ACAP3: variants seen among roughly 807,000 people sequenced by gnomAD.
ACAP3 encodes the protein arf-GAP with coiled-coil, ANK repeat and PH domain-containing protein 3.
ACAP3 carries 56 observed loss-of-function variants against 104.1 expected under a neutral mutation model. That is an observed-to-expected ratio of 0.54 (90% CI 0.43 to 0.67). The LOEUF is 0.67. Ranked by LOEUF, ACAP3 falls within the 30% of genes least tolerant of loss-of-function variation. The pLI, the probability that ACAP3 is intolerant of heterozygous loss-of-function variation, is 0.00. For synonymous variants in ACAP3, 628 were observed against 496.2 expected (o/e 1.27, Z -3.53); for missense variants, 1,208 against 1,174.9 (o/e 1.03, Z -0.41).
intron 19 of ACAP3, chr1:1,295,025 C>T: frequency 3.4e-6 from 2 of 588,606 alleles, no homozygotes; most frequent in Non-Finnish European, 6.0e-6. Flanking sequence ...GGGTAGCCCC[C>T]TAAAGCCCAG....
chr1:1,300,587 G>T lies in ACAP3; in HGVS notation c.444C>A (p.His148Gln). ...RNAQAPRHRP[H>Q]EVEEATGALT... ...GGGCCCCGGTGGCTTCCTCCACCTC[G>T]TGGGGCCGGTGCCTCGGGGCCTGGG... Residue 148 changes from histidine (H) to glutamine (Q), a missense_variant, in exon 6 of 24, where the codon CAC becomes CAA. His to Gln is a conservative substitution (Grantham distance 24, BLOSUM62 0). Coordinates refer to ENST00000354700, the MANE Select transcript of ACAP3 (RefSeq NM_030649.3). 6.2e-7 allele frequency: 1 copy of T among 1,610,846 alleles called. No individual in the cohort carries two copies. Among genetic ancestry groups the T allele is most frequent in the Non-Finnish European group, 8.5e-7 (1 of 1,179,330 alleles).
chr1:1,295,467 G>A lies in ACAP3; in HGVS notation c.1793C>T (p.Ala598Val), dbSNP rs763585777. 1 of 1,612,556 alleles carries A rather than the reference G, an allele frequency of 6.2e-7. No homozygotes were observed. Among genetic ancestry groups the A allele is most frequent in the Admixed American group, 1.7e-5 (1 of 60,010 alleles). The change falls in exon 19 of 24, where the codon GCC (alanine) becomes GTC (valine). Residue 598 changes from alanine to valine, a missense_variant. Transcript: ENST00000354700. ...CTTACTGCGAGGGCCAGCCCCTGCG[G>A]CCCCTGCGTCGAAGTAGGAGAAGAG... ...DSLFSYFDAG[A>V]AGAGPRSLSS...
At chr1:1,298,450 A>C in intron 11 of ACAP3, 29 bp from the exon 12 acceptor site, 2 of 1,593,716 alleles carry the variant, frequency 1.3e-6, no homozygotes, top group Non-Finnish European at 1.7e-6. Flanking sequence ...GTGGGGAGTC[A>C]GGCGGGGCCC....
intron 4 of ACAP3, 123 bp from the exon 5 acceptor site, chr1:1,302,169 T>A: frequency 1.1e-6 from 1 of 869,640 alleles, no homozygotes; most frequent in South Asian, 3.2e-5. Context: ...GGTCCCACCC[T>A]GCAGGGCTGG....
intron 12 of ACAP3, 118 bp downstream of exon 12, chr1:1,298,252 T>A: frequency 6.3e-7 from 1 of 1,580,202 alleles, no homozygotes; most frequent in Non-Finnish European, 8.6e-7. Context: ...CCCTGACTGT[T>A]CCGGCTCCGG....
intron 5 of ACAP3, chr1:1,301,636 C>T (rs1446800284): frequency 2.6e-5 from 5 of 193,306 alleles, no homozygotes; most frequent in Non-Finnish European, 5.2e-5. Flanking sequence ...CAGGCCTGCC[C>T]GCACCCCTGC....
chr1:1,307,116 A>G (rs1008921256), intron 1 of ACAP3: 41 of 1,202,470 alleles, frequency 3.4e-5, no homozygotes, highest in Non-Finnish European at 4.3e-5. Context: ...TCGTTTGCCA[A>G]ATGTCCACCA....
In ACAP3 at chr1:1,307,301, G is replaced by A. The variant is rs775442172; in HGVS notation, c.47+468C>T. On this transcript the variant is annotated intron_variant, in intron 1 of 23. Coordinates refer to ENST00000354700, the MANE Select transcript of ACAP3 (RefSeq NM_030649.3). ...GGCCGCCACCCCTCCAAGCCCCTGG[G>A]TCATTCAAACCACTTCACGTTTCCA... The A allele has an allele frequency of 5.1e-5, 66 of 1,289,050 alleles. 1 individual carries two copies. In the South Asian group the frequency reaches 7.2e-4, roughly 14 times the overall value. 79.9% of individuals were successfully genotyped at this position (1,289,050 alleles called of 1,614,324 possible). A position where few individuals can be genotyped will look rare whatever the true frequency, so the allele number is the denominator to read the frequency against.
Position 1,293,578 on chromosome 1 carries a change from G to A in ACAP3, c.2491C>T (p.Leu831=). 6.7e-7 allele frequency: 1 copy of A among 1,484,264 alleles called. No individual in the cohort carries two copies. The highest frequency in any genetic ancestry group is 8.9e-7 in the Non-Finnish European group (1 of 1,120,994). The allele number at this position is 1,484,264 out of a possible 1,614,324, so 91.9% of individuals were successfully genotyped here. A position where few individuals can be genotyped will look rare whatever the true frequency, so the allele number is the denominator to read the frequency against. The change falls in exon 24 of 24, where the codon CTG becomes TTG. Residue 831 remains leucine, a synonymous_variant. Coordinates refer to ENST00000354700, the MANE Select transcript of ACAP3 (RefSeq NM_030649.3). ...CCTGCCCGGCCCTAGCTCTCTTCCA[G>A]GTGGAGGCTGATGAACTCCTGGATA... is the stretch of plus-strand genomic sequence containing the variant. ...RCIQEFISLH[L]EES
chr1:1,297,022 C>G lies in ACAP3; in HGVS notation c.1129-389G>C, dbSNP rs547464702. Among the ~76,000 whole-genome samples, 79 of 152,292 alleles carry G rather than the reference C, an allele frequency of 5.2e-4. 1 individual carries two copies. Among genetic ancestry groups the G allele is most frequent in the Admixed American group, 2.1e-3 (32 of 15,314 alleles). On this transcript the variant is annotated intron_variant, in intron 14 of 23. Transcript: ENST00000354700. ...CACTGCACAAGCCAGCATGCCAGTGCACACCAGCACACACCCAGCTTGCAG... is the reference window on the plus strand; with the variant it reads ...CACTGCACAAGCCAGCATGCCAGTGGACACCAGCACACACCCAGCTTGCAG...
chr1:1,299,441 C>T, intron 9 of ACAP3, 85 bp from the exon 10 acceptor site: 8 of 1,419,678 alleles, frequency 5.6e-6, no homozygotes, highest in Non-Finnish European at 7.5e-6. Flanking sequence ...GACCCGTCCC[C>T]AACTCCTGGT....
In ACAP3 at chr1:1,294,740, C is replaced by T. The variant is rs1641038484; in HGVS notation, c.1890G>A (p.Val630=). The T allele has an allele frequency of 6.5e-7, 1 of 1,549,692 alleles. No individual in the cohort carries two copies. The highest frequency in any genetic ancestry group is 8.7e-7 in the Non-Finnish European group (1 of 1,146,732). ...CACCCTCCTCAGTGACGCTGTCCAC[C>T]ACAGAGCCCGAGCCGAAAGCCAGGA... The part of the protein sequence containing the change: ...SDVLAFGSGS[V]VDSVTEEEGA... The change falls in exon 20 of 24, where the codon GTG becomes GTA. Residue 630 remains valine (V), a synonymous_variant. Coordinates refer to ENST00000354700, the MANE Select transcript of ACAP3 (RefSeq NM_030649.3).
Position 1,294,414 on chromosome 1 carries a change from C to A in ACAP3, c.2127G>T (p.Gln709His), listed in dbSNP as rs776724403. Residue 709 changes from glutamine (Q) to histidine (H), a missense_variant, in exon 21 of 24, where the codon CAG becomes CAT. Coordinates refer to ENST00000354700, the MANE Select transcript of ACAP3 (RefSeq NM_030649.3). ...AEDEGKTPLV[Q>H]AVLGGSLIVC... ...GTGGCTCGCTCACCCCTAGCACGGC[C>A]TGCACCAGCGGCGTCTTGCCCTCAT... The A allele has an allele frequency of 1.3e-6, 2 of 1,575,618 alleles. No individual in the cohort carries two copies. The highest frequency in any genetic ancestry group is 2.3e-5 in the South Asian group (2 of 86,696).
chr1:1,305,512 C>T (rs1351160249), intron 1 of ACAP3: 1 of 152,266 alleles, frequency 6.6e-6, no homozygotes, highest in Non-Finnish European at 1.5e-5. Flanking sequence ...CGCCCGTGTC[C>T]CTGGAGAGCC....
intron 9 of ACAP3, 112 bp downstream of exon 9, chr1:1,299,719 C>A: frequency 1.6e-6 from 2 of 1,254,992 alleles, no homozygotes; most frequent in Non-Finnish European, 2.2e-6. Context: ...GTGGGCAGGG[C>A]AGGTGGGAGA....
chr1:1,298,867 C>T (rs1641317174), intron 10 of ACAP3, 188 bp from the exon 11 acceptor site: 2 of 598,880 alleles, frequency 3.3e-6, no homozygotes, highest in Non-Finnish European at 5.9e-6. Flanking sequence ...GCCCCCAGCC[C>T]TGCAACCCGT....
Position 1,303,797 on chromosome 1 carries a change from C to T in ACAP3, c.105+289G>A. 3.7e-6 allele frequency: 2 copies of T among 536,546 alleles called. No individual in the cohort carries two copies. Among genetic ancestry groups the T allele is most frequent in the South Asian group, 4.3e-5 (2 of 46,844 alleles). 33.2% of individuals were successfully genotyped at this position (536,546 alleles called of 1,614,324 possible). A position where few individuals can be genotyped will look rare whatever the true frequency, so the allele number is the denominator to read the frequency against. On this transcript the variant is annotated intron_variant, in intron 2 of 23. Transcript: ENST00000354700. The surrounding 1 kb of genome is among the most constrained non-coding windows in gnomAD (Gnocchi z 4.0). ...AGGCTCAGCCCACACAGCAGCTGTC[C>T]CCGTGTCACCAGCCCAGCAGAGGGG...
chr1:1,298,145 C>T, intron 12 of ACAP3, 32 bp from the exon 13 acceptor site: 1 of 1,582,840 alleles, frequency 6.3e-7, no homozygotes, highest in Non-Finnish European at 8.6e-7. Context: ...CCCCTGCCCT[C>T]AGCCACCACC....
In ACAP3 at chr1:1,298,613, C is replaced by G; in HGVS notation, c.817G>C (p.Gly273Arg). 1 of 1,612,322 alleles carries G rather than the reference C, an allele frequency of 6.2e-7. No individual in the cohort carries two copies. The highest frequency in any genetic ancestry group is 8.5e-7 in the Non-Finnish European group (1 of 1,179,770). The change falls in exon 11 of 24, where the codon GGC becomes CGC. Residue 273 changes from glycine to arginine, a missense_variant. Gly to Arg is a moderately radical substitution (Grantham distance 125). Coordinates refer to ENST00000354700, the MANE Select transcript of ACAP3 (RefSeq NM_030649.3). ...TTGCTGGCCCTCTTGAAGAGGTAGC[C>G]CTCCATCACCACCCCACTGGGCGCG... ...VDAPSGVVME[G>R]YLFKRASNAF...
Sources: gnomAD v4.1 joint callset for allele counts (sites outside exome capture counted in the v4.1 genomes callset) on GRCh38, gnomAD v4.1.1 for gene constraint, Gnocchi (gnomAD v3.1) non-coding constraint, MANE v1.5 for transcripts, NCBI Gene and HGNC (gene_info 2026-07-23, HGNC 2026-07-21) for gene names.